Variants in RBFOX1 observed in about 807,000 individuals in gnomAD.
RBFOX1 encodes the protein RNA binding fox-1 homolog 1.
In RBFOX1, 8 loss-of-function variants were observed where a neutral mutation model predicts 57.7. That is an observed-to-expected ratio of 0.14 (90% CI 0.08 to 0.25). The LOEUF is 0.25. Ranked by LOEUF, RBFOX1 falls within the 10% of genes least tolerant of loss-of-function variation. The probability of loss-of-function intolerance (pLI) is 1.00; values close to 1 mark genes in which losing one functional copy is unlikely to be tolerated. For missense variants in RBFOX1, 611 were observed against 548.5 expected (o/e 1.11, Z -1.14); for synonymous variants, 326 against 222.4 (o/e 1.47, Z -4.15).
chr16:7,216,152 T>C (rs2092001632), intron 4 of RBFOX1, among the ~76,000 whole-genome samples: 1 of 152,236 alleles, frequency 6.6e-6, no homozygotes, highest in Admixed American at 6.5e-5. Flanking sequence ...GTTGTGTGGA[T>C]ATACCATGTT....
At chr16:5,246,980 G>T (rs9921124) in intron 1 of RBFOX1, among the ~76,000 whole-genome samples, 130,907 of 152,248 alleles carry the variant, frequency 0.86, 56,369 homozygotes, top group East Asian at 0.97. Context: ...TGAGTTCAAC[G>T]TTTTTAGATT....
At chr16:7,353,334 A>G (rs1227010022) in intron 4 of RBFOX1, among the ~76,000 whole-genome samples, 1 of 152,220 alleles carries the variant, frequency 6.6e-6, no homozygotes, top group Non-Finnish European at 1.5e-5. Context: ...AAAGATGCGG[A>G]GAAATTGGAA....
intron 1 of RBFOX1, among the ~76,000 whole-genome samples, chr16:5,445,550 A>G (rs1326312512): frequency 2.0e-5 from 3 of 152,224 alleles, no homozygotes; most frequent in Non-Finnish European, 2.9e-5. Context: ...AGCATTGGAC[A>G]CCCATTTCCT....
intron 2 of RBFOX1, among the ~76,000 whole-genome samples, chr16:6,631,721 A>G (rs2098387298): frequency 6.6e-6 from 1 of 152,156 alleles, no homozygotes; most frequent in African/African-American, 2.4e-5. Context: ...CTGGGGGAAG[A>G]GCTCACTGAT....
At chr16:6,894,987 T>C (rs1446113298) in intron 3 of RBFOX1, among the ~76,000 whole-genome samples, 1 of 152,162 alleles carries the variant, frequency 6.6e-6, no homozygotes, top group Non-Finnish European at 1.5e-5. Flanking sequence ...TAACAGAGAC[T>C]CTGAAAATTA....
intron 3 of RBFOX1, among the ~76,000 whole-genome samples, chr16:5,697,879 T>C (rs2050899481): frequency 6.6e-6 from 1 of 152,182 alleles, no homozygotes; most frequent in East Asian, 1.9e-4. Flanking sequence ...CAATAGTCTT[T>C]GGTAGATAAC....
intron 3 of RBFOX1, among the ~76,000 whole-genome samples, chr16:7,015,732 C>T (rs1051450845): frequency 1.3e-5 from 2 of 151,964 alleles, no homozygotes; most frequent in African/African-American, 4.8e-5. Flanking sequence ...CCATTCCATT[C>T]CCAATAATTC....
chr16:5,923,691 G>A (rs142924226), intron 4 of RBFOX1, among the ~76,000 whole-genome samples: 84 of 151,980 alleles, frequency 5.5e-4, no homozygotes, highest in African/African-American at 1.8e-3. Context: ...ACAGGCATGC[G>A]CCACCACACC....
At chr16:7,651,015 A>T (rs1455256065) in intron 11 of RBFOX1, among the ~76,000 whole-genome samples, 1 of 152,226 alleles carries the variant, frequency 6.6e-6, no homozygotes, top group Non-Finnish European at 1.5e-5. Flanking sequence ...CTCAGGTGCT[A>T]GGAGCTGGCA....
chr16:7,602,506 A>G (rs946477372), intron 9 of RBFOX1, among the ~76,000 whole-genome samples: 17 of 152,208 alleles, frequency 1.1e-4, no homozygotes, highest in Admixed American at 9.8e-4. Context: ...CTGGGGACAT[A>G]CACAAACTGC....
At chr16:7,254,500 T>TC (rs1370638406) in intron 4 of RBFOX1, among the ~76,000 whole-genome samples, 3 of 138,600 alleles carry the variant, frequency 2.2e-5, no homozygotes, top group African/African-American at 1.0e-4. Context: ...CTCTCTCTCT[T>TC]TTTTTTTATC....
intron 4 of RBFOX1, among the ~76,000 whole-genome samples, chr16:7,477,240 G>C (rs919418092): frequency 1.3e-5 from 2 of 152,086 alleles, no homozygotes; most frequent in Non-Finnish European, 2.9e-5. Flanking sequence ...ATAAGACATC[G>C]ATGCAAATAT....
chr16:7,179,222 ATT>A (rs5815380), intron 4 of RBFOX1, among the ~76,000 whole-genome samples: 118 of 145,150 alleles, frequency 8.1e-4, no homozygotes, highest in Middle Eastern at 7.2e-3. Flanking sequence ...CTTAACCGGG[ATT>A]TTTTTTTTTT....
intron 3 of RBFOX1, among the ~76,000 whole-genome samples, chr16:5,859,882 A>G (rs1422382293): frequency 6.6e-6 from 1 of 152,198 alleles, no homozygotes; most frequent in African/African-American, 2.4e-5. Context: ...CCTGCTGGGC[A>G]TGAGTTGACT....
chr16:7,616,868 C>A (rs2058532584), intron 10 of RBFOX1, among the ~76,000 whole-genome samples: 1 of 152,036 alleles, frequency 6.6e-6, no homozygotes, highest in Non-Finnish European at 1.5e-5. Flanking sequence ...TATTCTAAGG[C>A]CTGATATTTT....
chr16:6,655,166 G>A (rs1411810579), intron 3 of RBFOX1, among the ~76,000 whole-genome samples: 1 of 151,472 alleles, frequency 6.6e-6, no homozygotes, highest in Admixed American at 6.6e-5. Flanking sequence ...CTGAGGTCAG[G>A]AGTTAGAGAC....
intron 3 of RBFOX1, among the ~76,000 whole-genome samples, chr16:5,660,415 C>A (rs2049607545): frequency 6.6e-6 from 1 of 152,078 alleles, no homozygotes; most frequent in African/African-American, 2.4e-5. Context: ...AACTGGGACT[C>A]AAGGAGAGAT....
intron 3 of RBFOX1, among the ~76,000 whole-genome samples, chr16:6,869,245 A>C (rs762263337): frequency 1.3e-5 from 2 of 152,150 alleles, no homozygotes; most frequent in Admixed American, 6.5e-5. Flanking sequence ...TATATGTGCA[A>C]AGTGCTTGGT....
At chr16:5,335,021 T>G (rs1159930738) in intron 1 of RBFOX1, among the ~76,000 whole-genome samples, 1 of 152,176 alleles carries the variant, frequency 6.6e-6, no homozygotes, top group African/African-American at 2.4e-5. Flanking sequence ...ATTTCAATTC[T>G]GATAAACATC....
Sources: allele counts gnomAD v4.1 joint callset (sites outside exome capture counted in the v4.1 genomes callset), GRCh38; gene constraint gnomAD v4.1.1; transcripts MANE v1.5; gene names NCBI Gene and HGNC (gene_info 2026-07-23, HGNC 2026-07-21).